The following ZNF804B variants were observed in gnomAD, a reference collection of about 807,000 sequenced individuals.
ZNF804B encodes zinc finger protein 804B.
ZNF804B carries 80 observed loss-of-function variants against 101.4 expected under a neutral mutation model. The observed-to-expected ratio is 0.79, with a 90% CI of 0.66 to 0.95. The LOEUF is 0.95. Ranked by LOEUF, ZNF804B falls within the 40% of genes least tolerant of loss-of-function variation. ZNF804B has a pLI of 0.00. For missense variants in ZNF804B, 1,673 were observed against 1,561.9 expected, an observed-to-expected ratio of 1.07 and a Z score of -1.20; for synonymous variants, 622 against 558.8, an observed-to-expected ratio of 1.11 and a Z score of -1.59.
At chr7:89,039,155 C>T (rs560349116) in intron 1 of ZNF804B, among the ~76,000 whole-genome samples, 3 of 151,830 alleles carry the variant, frequency 2.0e-5, no homozygotes, top group East Asian at 3.9e-4. Context: ...TGTTTGCTGC[C>T]GTTTGTGGTT....
At chr7:88,764,391 AG>A (rs918123677) in intron 1 of ZNF804B, among the ~76,000 whole-genome samples, 1 of 152,182 alleles carries the variant, frequency 6.6e-6, no homozygotes, top group African/African-American at 2.4e-5. Context: ...TTGGGTATAA[AG>A]GAAATTTTGG....
At chr7:88,982,553 A>G (rs2116136088) in intron 1 of ZNF804B, among the ~76,000 whole-genome samples, 1 of 152,150 alleles carries the variant, frequency 6.6e-6, no homozygotes, top group South Asian at 2.1e-4. Flanking sequence ...GCCCTCACAT[A>G]GTTGTCCCCA....
chr7:89,143,204 A>G (rs7783279), intron 1 of ZNF804B, among the ~76,000 whole-genome samples: 78,718 of 151,218 alleles, frequency 0.52, 20,933 homozygotes, highest in East Asian at 0.64. Flanking sequence ...TGTAAATTTT[A>G]TTATAACGAT....
chr7:89,042,233 C>G (rs1252741568), intron 1 of ZNF804B, among the ~76,000 whole-genome samples: 1 of 152,034 alleles, frequency 6.6e-6, no homozygotes, highest in Non-Finnish European at 1.5e-5. Context: ...TCAGTTTCCT[C>G]TAATAATAAT....
chr7:89,045,636 T>G (rs1306467151), intron 1 of ZNF804B, among the ~76,000 whole-genome samples: 1 of 152,200 alleles, frequency 6.6e-6, no homozygotes, highest in East Asian at 1.9e-4. Context: ...GTTTTAATGA[T>G]TGCTCTATTG....
chr7:88,991,028 G>T (rs1562853056), intron 1 of ZNF804B, among the ~76,000 whole-genome samples: 1 of 152,082 alleles, frequency 6.6e-6, no homozygotes, highest in Non-Finnish European at 1.5e-5. Context: ...ACCAGTCATT[G>T]ATCTTCTAGG....
intron 1 of ZNF804B, among the ~76,000 whole-genome samples, chr7:88,879,118 G>T (rs910637412): frequency 3.3e-5 from 5 of 152,188 alleles, no homozygotes; most frequent in Non-Finnish European, 7.4e-5. Flanking sequence ...TAAGATGCAA[G>T]AGATTACAAA....
intron 1 of ZNF804B, among the ~76,000 whole-genome samples, chr7:89,156,068 C>CT (rs1790967296): frequency 3.2e-5 from 2 of 61,904 alleles, no homozygotes; most frequent in African/African-American, 1.0e-4. Context: ...TTCTTTCTTT[C>CT]TTTCTCTCTT....
chr7:88,929,344 GA>G (rs35365536), intron 1 of ZNF804B, among the ~76,000 whole-genome samples: 41,442 of 145,784 alleles, frequency 0.28, 6,033 homozygotes, highest in South Asian at 0.38. Flanking sequence ...CTAAGGTTCT[GA>G]AAAAAAAAAA....
chr7:88,804,554 A>G (rs1790656164), intron 1 of ZNF804B, among the ~76,000 whole-genome samples: 1 of 152,006 alleles, frequency 6.6e-6, no homozygotes, highest in Non-Finnish European at 1.5e-5. Context: ...TGACTTAACT[A>G]ACACACAGTG....
At chr7:88,793,492 T>A (rs1462002606) in intron 1 of ZNF804B, among the ~76,000 whole-genome samples, 1 of 152,112 alleles carries the variant, frequency 6.6e-6, no homozygotes, top group Non-Finnish European at 1.5e-5. Flanking sequence ...GTATTTTCAT[T>A]TCATTCCGAA....
At chr7:88,855,642 C>T (rs1178516899) in intron 1 of ZNF804B, among the ~76,000 whole-genome samples, 3 of 152,166 alleles carry the variant, frequency 2.0e-5, no homozygotes, top group Non-Finnish European at 4.4e-5. Flanking sequence ...GCTTTTGTTG[C>T]CATTGCTTTT....
At chr7:88,944,790 C>T (rs973415185) in intron 1 of ZNF804B, among the ~76,000 whole-genome samples, 15 of 151,848 alleles carry the variant, frequency 9.9e-5, no homozygotes, top group African/African-American at 3.4e-4. Flanking sequence ...AAATCCAAAA[C>T]TTTTTGAGTG....
intron 2 of ZNF804B, among the ~76,000 whole-genome samples, chr7:89,219,604 C>T (rs902665870): frequency 9.9e-5 from 15 of 151,178 alleles, no homozygotes; most frequent in South Asian, 2.1e-4. Flanking sequence ...TGAGGTATGG[C>T]GATACTGGCA....
chr7:89,051,530 A>C (rs1204655702), intron 1 of ZNF804B, among the ~76,000 whole-genome samples: 1 of 152,140 alleles, frequency 6.6e-6, no homozygotes, highest in Non-Finnish European at 1.5e-5. Context: ...CAAGCTTCTG[A>C]GTCCAGCAAA....
intron 2 of ZNF804B, among the ~76,000 whole-genome samples, chr7:89,311,887 A>C (rs1790654397): frequency 6.6e-6 from 1 of 152,208 alleles, no homozygotes; most frequent in South Asian, 2.1e-4. Context: ...CATGGGTAGA[A>C]ATTAAATAAA....
chr7:89,142,902 T>C (rs1248054650), intron 1 of ZNF804B, among the ~76,000 whole-genome samples: 2 of 151,984 alleles, frequency 1.3e-5, no homozygotes, highest in African/African-American at 4.8e-5. Context: ...AATTGCAAAC[T>C]AACACCAAAA....
intron 1 of ZNF804B, among the ~76,000 whole-genome samples, chr7:88,809,661 A>T (rs2115731337): frequency 6.6e-6 from 1 of 152,346 alleles, no homozygotes; most frequent in South Asian, 2.1e-4. Context: ...AAGTAAACCC[A>T]TGAATTTTTT....
At chr7:89,030,714 G>A (rs1459944216) in intron 1 of ZNF804B, among the ~76,000 whole-genome samples, 2 of 151,958 alleles carry the variant, frequency 1.3e-5, no homozygotes, top group African/African-American at 2.4e-5. Flanking sequence ...AAAATATTCT[G>A]AAACCCAAAT....
Sources: allele counts gnomAD v4.1 joint callset (sites outside exome capture counted in the v4.1 genomes callset), GRCh38; gene constraint gnomAD v4.1.1; transcripts MANE v1.5; gene names NCBI Gene and HGNC (gene_info 2026-07-23, HGNC 2026-07-21).